The following SLC24A2 variants were observed in gnomAD, a reference collection of about 807,000 sequenced individuals.
The protein encoded by SLC24A2 is solute carrier family 24 member 2.
Under a neutral mutation model 62.0 loss-of-function variants are expected in SLC24A2, and 36 were observed. The observed-to-expected ratio is 0.58, with a 90% CI of 0.44 to 0.77. The LOEUF (loss-of-function observed/expected upper bound fraction) is 0.77. SLC24A2 is among the 30% of genes least tolerant of loss of function. The pLI is 0.00. For missense variants in SLC24A2, 846 were observed against 817.9 expected, an observed-to-expected ratio of 1.03 and a Z score of -0.42; for synonymous variants, 358 against 294.0, an observed-to-expected ratio of 1.22 and a Z score of -2.23.
At chr9:20,065,748 G>A in the SLC24A2 span, among the ~76,000 whole-genome samples, 3 of 152,106 alleles carry the variant, frequency 2.0e-5, no homozygotes, top group African/African-American at 7.2e-5. Flanking sequence ...TTAAATTCAG[G>A]TCCATATGAA....
chr9:19,553,079 C>A (rs1211502184), intron 7 of SLC24A2, among the ~76,000 whole-genome samples: 4 of 152,294 alleles, frequency 2.6e-5, no homozygotes, highest in African/African-American at 9.6e-5. Context: ...ACCTAGAATC[C>A]TGGGGTGGAT....
the SLC24A2 span, among the ~76,000 whole-genome samples, chr9:20,102,342 G>A: frequency 1.3e-5 from 2 of 152,104 alleles, no homozygotes; most frequent in East Asian, 3.9e-4. Flanking sequence ...GTCCTTTGCA[G>A]GGACATGGAT....
chr9:20,194,259 T>A, the SLC24A2 span, among the ~76,000 whole-genome samples: 1 of 152,130 alleles, frequency 6.6e-6, no homozygotes. Flanking sequence ...CTTAGACTTC[T>A]GTATGGAAGA....
the SLC24A2 span, among the ~76,000 whole-genome samples, chr9:19,853,369 C>T: frequency 2.0e-5 from 3 of 152,252 alleles, no homozygotes; most frequent in South Asian, 2.1e-4. Flanking sequence ...TGAGACAGAA[C>T]GTTCTTATCT....
chr9:19,597,426 A>G lies in SLC24A2; in HGVS notation c.1079-147T>C, dbSNP rs1836731440. 3.2e-5 allele frequency: 22 copies of G among 688,806 alleles called. No homozygotes were observed. In the South Asian group the frequency reaches 3.3e-4, roughly 10 times the overall value. 42.7% of individuals were successfully genotyped at this position (688,806 alleles called of 1,614,324 possible). The stretch of plus-strand genomic sequence containing the variant: ...ATATGGAGATGTGCAAACATGGGCC[A>G]TGTGGCAGACAGCTTTCACGGCCCA... On this transcript the variant is annotated intron_variant, in intron 4 of 10. Coordinates refer to ENST00000341998, the MANE Select transcript of SLC24A2 (RefSeq NM_020344.4).
the SLC24A2 span, among the ~76,000 whole-genome samples, chr9:20,114,412 G>A: frequency 5.9e-5 from 9 of 152,032 alleles, no homozygotes; most frequent in South Asian, 2.1e-4. Flanking sequence ...AGGCTGCTGC[G>A]GTCCCAGCTA....
chr9:19,958,163 C>G, the SLC24A2 span: 1 of 152,100 alleles, frequency 6.6e-6, no homozygotes. Context: ...ATCCTCATAG[C>G]CTGGCAGTTA....
the SLC24A2 span, among the ~76,000 whole-genome samples, chr9:20,259,518 G>T: frequency 2.2e-4 from 33 of 152,202 alleles, no homozygotes; most frequent in African/African-American, 7.7e-4. Context: ...GATGAGCAGT[G>T]GTTGAAGAAA....
intron 2 of SLC24A2, among the ~76,000 whole-genome samples, chr9:19,710,110 G>C (rs1426844557): frequency 6.6e-6 from 1 of 152,114 alleles, no homozygotes; most frequent in Non-Finnish European, 1.5e-5. Flanking sequence ...GGGTACAGAA[G>C]AAAGATTGGA....
chr9:20,240,012 A>C, the SLC24A2 span, among the ~76,000 whole-genome samples: 1 of 152,092 alleles, frequency 6.6e-6, no homozygotes, highest in Non-Finnish European at 1.5e-5. Context: ...GAAGCTTAGC[A>C]GTAGAGACTA....
intron 8 of SLC24A2, among the ~76,000 whole-genome samples, chr9:19,544,765 C>G (rs1834464564): frequency 6.6e-6 from 1 of 152,220 alleles, no homozygotes; most frequent in Non-Finnish European, 1.5e-5. Context: ...CCACTCTCTT[C>G]TAGCTTGTAA....
the SLC24A2 span, among the ~76,000 whole-genome samples, chr9:19,908,165 C>A: frequency 3.3e-5 from 5 of 152,180 alleles, no homozygotes; most frequent in South Asian, 6.2e-4. Flanking sequence ...GAACAGAGCC[C>A]TCAGAAACAA....
chr9:20,055,645 T>C, the SLC24A2 span, among the ~76,000 whole-genome samples: 3 of 152,152 alleles, frequency 2.0e-5, no homozygotes, highest in Non-Finnish European at 2.9e-5. Context: ...CCTAGCACTT[T>C]GGTAGGCCAA....
At chr9:19,690,629 C>T in intron 2 of SLC24A2, among the ~76,000 whole-genome samples, 1 of 152,120 alleles carries the variant, frequency 6.6e-6, no homozygotes, top group East Asian at 1.9e-4. Flanking sequence ...AATGGTACTG[C>T]CTGAGGCCTC....
the SLC24A2 span, among the ~76,000 whole-genome samples, chr9:20,264,001 G>A: frequency 1.3e-5 from 2 of 151,988 alleles, no homozygotes; most frequent in Admixed American, 6.6e-5. Context: ...GCTGGCCCAC[G>A]TATCTGGAAT....
the SLC24A2 span, among the ~76,000 whole-genome samples, chr9:20,254,000 G>C: frequency 6.6e-6 from 1 of 152,186 alleles, no homozygotes; most frequent in Admixed American, 6.5e-5. Flanking sequence ...TTGAAATAAA[G>C]AGATAAAAGC....
At chr9:19,636,327 C>CT (rs1564009807) in intron 2 of SLC24A2, among the ~76,000 whole-genome samples, 395 of 20,426 alleles carry the variant, frequency 0.019, 20 homozygotes, top group Middle Eastern at 0.079. Flanking sequence ...TTCTTTCTTT[C>CT]TTTCTTTCTT....
At chr9:19,993,600 G>A in the SLC24A2 span, among the ~76,000 whole-genome samples, 1 of 152,122 alleles carries the variant, frequency 6.6e-6, no homozygotes, top group Non-Finnish European at 1.5e-5. Context: ...TATGTTCAGG[G>A]CAGCGTGCCA....
At position 19,544,642 on chromosome 9, in the gene SLC24A2, C is replaced by T. The variant is rs141805362; in HGVS notation, c.1479+5495G>A. On this transcript the variant is annotated intron_variant, in intron 8 of 10. Coordinates refer to ENST00000341998, the MANE Select transcript of SLC24A2 (RefSeq NM_020344.4). ...CAGGCCTGGTGGTGACAAAATCTCT[C>T]GGCATTTGCTTGTCTGTAAAGGAGT... Among the ~76,000 whole-genome samples, 1,514 of 152,230 alleles carry T rather than the reference C, an allele frequency of 9.9e-3. 29 individuals are homozygous for T. Among genetic ancestry groups the T allele is most frequent in the African/African-American group, 0.035 (1,448 of 41,510 alleles).
Sources: allele counts gnomAD v4.1 joint callset (sites outside exome capture counted in the v4.1 genomes callset), GRCh38; gene constraint gnomAD v4.1.1; transcripts MANE v1.5; gene names NCBI Gene and HGNC (gene_info 2026-07-23, HGNC 2026-07-21).